The following OR2L13 variants were observed in gnomAD, a reference collection of about 807,000 sequenced individuals.
OR2L13 encodes the protein olfactory receptor family 2 subfamily L member 13, also known as olfactory receptor 2L13.
A neutral mutation model predicts 15.3 loss-of-function variants in OR2L13; 14 were observed. The observed-to-expected ratio is 0.91, with a 90% CI of 0.60 to 1.43. The LOEUF (loss-of-function observed/expected upper bound fraction) is 1.43, where lower values mean the gene tolerates loss of function less well. Among genes scored for constraint, OR2L13 ranks in the 40% most tolerant of loss-of-function variants. The probability of loss-of-function intolerance (pLI) is 0.00; values close to 1 mark genes in which losing one functional copy is unlikely to be tolerated. For missense variants in OR2L13, 367 were observed against 387.9 expected, an observed-to-expected ratio of 0.95 and a Z score of 0.45; for synonymous variants, 152 against 142.9, an observed-to-expected ratio of 1.06 and a Z score of -0.45.
At chr1:248,001,201 C>T in the OR2L13 span, among the ~76,000 whole-genome samples, 1 of 151,898 alleles carries the variant, frequency 6.6e-6, no homozygotes, top group Non-Finnish European at 1.5e-5. Context: ...ATGTCAGTGG[C>T]GATACCAATC....
chr1:247,984,573 C>T, the OR2L13 span, among the ~76,000 whole-genome samples: 1 of 152,040 alleles, frequency 6.6e-6, no homozygotes, highest in African/African-American at 2.4e-5. Context: ...ATTTGTTCTT[C>T]TGAATTGTCC....
upstream of OR2L13, among the ~76,000 whole-genome samples, chr1:248,095,607 C>CTTTTTTTTTTTTTTATTTTTTTTTT (rs1664716935): frequency 2.7e-5 from 1 of 37,294 alleles, no homozygotes; most frequent in African/African-American, 7.2e-5. Flanking sequence ...AAAGCTGCTG[C>CTTTTTTTTTTTTTTATTTTTTTTTT]TTTTTTTTTT....
chr1:248,079,580 T>C, the OR2L13 span, among the ~76,000 whole-genome samples: 3 of 152,272 alleles, frequency 2.0e-5, no homozygotes, highest in African/African-American at 7.2e-5. Context: ...CAGAAATTAA[T>C]ATAATGTGGT....
the OR2L13 span, among the ~76,000 whole-genome samples, chr1:248,072,357 G>A: frequency 6.6e-6 from 1 of 152,188 alleles, no homozygotes; most frequent in African/African-American, 2.4e-5. Flanking sequence ...TGACAAACCT[G>A]AGAAAAACAA....
chr1:247,984,594 A>G, the OR2L13 span, among the ~76,000 whole-genome samples: 1 of 152,180 alleles, frequency 6.6e-6, no homozygotes, highest in African/African-American at 2.4e-5. Flanking sequence ...TTCACAAATT[A>G]CCAGAGGTCA....
the OR2L13 span, among the ~76,000 whole-genome samples, chr1:248,084,956 C>G: frequency 6.6e-6 from 1 of 152,178 alleles, no homozygotes; most frequent in South Asian, 2.1e-4. Context: ...ATTATAGTTA[C>G]TGCTATTCTC....
At chr1:248,090,792 G>A (rs1000670260), upstream of OR2L13, among the ~76,000 whole-genome samples, 1 of 152,156 alleles carries the variant, frequency 6.6e-6, no homozygotes, top group African/African-American at 2.4e-5. Flanking sequence ...ACTCCTTTGG[G>A]TATGCAAGTA....
At chr1:248,093,407 G>C (rs146230438), upstream of OR2L13, among the ~76,000 whole-genome samples, 3 of 152,102 alleles carry the variant, frequency 2.0e-5, no homozygotes, top group Non-Finnish European at 4.4e-5. Context: ...TTACAGGGAC[G>C]GTAACAGGCT....
At chr1:247,959,893 T>A in the OR2L13 span, among the ~76,000 whole-genome samples, 1 of 151,744 alleles carries the variant, frequency 6.6e-6, no homozygotes, top group South Asian at 2.1e-4. Flanking sequence ...TCGAACTTCC[T>A]CCTTTAGCTC....
At chr1:247,941,264 C>G in the OR2L13 span, among the ~76,000 whole-genome samples, 1 of 152,004 alleles carries the variant, frequency 6.6e-6, no homozygotes, top group Non-Finnish European at 1.5e-5. Context: ...AGGTCCTGCT[C>G]ATCAATTTTA....
the OR2L13 span, among the ~76,000 whole-genome samples, chr1:248,082,113 C>G: frequency 1.0e-4 from 15 of 147,674 alleles, no homozygotes; most frequent in African/African-American, 3.6e-4. Context: ...CAATGATAGA[C>G]TGGATTAAGA....
At chr1:248,070,268 A>G in the OR2L13 span, among the ~76,000 whole-genome samples, 1 of 152,250 alleles carries the variant, frequency 6.6e-6, no homozygotes, top group East Asian at 1.9e-4. Context: ...AAATTATAAC[A>G]AACTGTCTCT....
chr1:248,084,598 A>G, the OR2L13 span: 1 of 1,601,990 alleles, frequency 6.2e-7, no homozygotes, highest in African/African-American at 1.3e-5. Context: ...CATCTCCATA[A>G]TTTCCCCTGG....
the OR2L13 span, among the ~76,000 whole-genome samples, chr1:248,017,523 G>C: frequency 1.3e-5 from 2 of 152,218 alleles, no homozygotes; most frequent in African/African-American, 4.8e-5. Flanking sequence ...GGTAGAAAGA[G>C]ACTTTTTCTT....
the OR2L13 span, among the ~76,000 whole-genome samples, chr1:248,068,993 T>C: frequency 2.6e-5 from 4 of 152,136 alleles, no homozygotes; most frequent in Non-Finnish European, 5.9e-5. Context: ...CAAATCTACA[T>C]CTGATTGGTG....
At chr1:248,053,429 C>A in the OR2L13 span, among the ~76,000 whole-genome samples, 1 of 152,148 alleles carries the variant, frequency 6.6e-6, no homozygotes, top group East Asian at 1.9e-4. Flanking sequence ...ATGCCAGTAC[C>A]TTTATAATAG....
chr1:248,026,099 A>G, the OR2L13 span, among the ~76,000 whole-genome samples: 4 of 152,218 alleles, frequency 2.6e-5, no homozygotes, highest in South Asian at 8.3e-4. Context: ...AAAGTATAAT[A>G]ATAAAAAAAG....
At chr1:248,063,323 T>C in the OR2L13 span, 1 of 152,272 alleles carries the variant, frequency 6.6e-6, no homozygotes, top group African/African-American at 2.4e-5. Context: ...AACGGTAAAG[T>C]ATTACATAGT....
the OR2L13 span, among the ~76,000 whole-genome samples, chr1:248,017,250 AG>A: frequency 1.3e-5 from 2 of 152,246 alleles, no homozygotes; most frequent in Admixed American, 1.3e-4. Flanking sequence ...AAGGGGCACA[AG>A]TAACCTGTTT....
Sources: gnomAD v4.1 joint callset for allele counts (sites outside exome capture counted in the v4.1 genomes callset) on GRCh38, gnomAD v4.1.1 for gene constraint, MANE v1.5 for transcripts, NCBI Gene and HGNC (gene_info 2026-07-23, HGNC 2026-07-21) for gene names.